The following VRK2 variants were observed in gnomAD, a reference collection of about 807,000 sequenced individuals.
The protein encoded by VRK2 is VRK serine/threonine kinase 2.
In VRK2, 60 loss-of-function variants were observed where a neutral mutation model predicts 57.6. That is an observed-to-expected ratio of 1.04 (90% CI 0.85 to 1.29). VRK2 has a LOEUF of 1.29. VRK2 is among the 50% of genes most tolerant of loss of function. VRK2 has a pLI of 0.00. For synonymous variants in VRK2, 231 were observed against 199.2 expected (o/e 1.16, Z -1.35); for missense variants, 705 against 588.1 (o/e 1.20, Z -2.06).
rs555888486 is a variant in VRK2, at chr2:57,928,507, T to C, written c.-439+20668T>C. On this transcript the variant is annotated intron_variant, in intron 1 of 15. Transcript: ENST00000417641. ...TTTGAATTCTGTTGGAAAGGTCATA[T>C]ATCTCTGTCTCTCCAGGATTGGTCC... Among the ~76,000 whole-genome samples, 186 of 152,296 alleles carry C rather than the reference T, an allele frequency of 1.2e-3. 2 individuals carry two copies. The South Asian group carries it at 0.019, about 16-fold the overall frequency.
chr2:57,984,342 GA>G lies in VRK2; in HGVS notation c.-438-41316del, dbSNP rs533639859. The stretch of plus-strand genomic sequence containing the variant: ...CTAAATGTATCACTGAAAATGAGAG[GA>G]AAAAAACCCTCTTAGCAAAGTGTTT... On this transcript the variant is annotated intron_variant, in intron 1 of 15. Coordinates refer to the VRK2 transcript ENST00000417641. 1.5e-3 allele frequency among the ~76,000 whole-genome samples: 222 copies of G among 151,864 alleles called. 4 individuals carry two copies. Among genetic ancestry groups the G allele is most frequent in the Admixed American group, 0.013 (198 of 15,250 alleles).
At chr2:58,040,648 T>C (rs1674419978) in intron 3 of VRK2, among the ~76,000 whole-genome samples, 1 of 152,172 alleles carries the variant, frequency 6.6e-6, no homozygotes, top group Non-Finnish European at 1.5e-5. Context: ...TTTTGATGCC[T>C]TGCAAGCTAC....
At chr2:57,934,002 A>G (rs1341134476) in intron 1 of VRK2, among the ~76,000 whole-genome samples, 2 of 152,130 alleles carry the variant, frequency 1.3e-5, no homozygotes, top group Non-Finnish European at 1.5e-5. Flanking sequence ...CTTGCCTTTT[A>G]TCATGTACTA....
chr2:58,077,806 G>T (rs1346484717), intron 2 of VRK2, among the ~76,000 whole-genome samples: 1 of 152,064 alleles, frequency 6.6e-6, no homozygotes, highest in Admixed American at 6.6e-5. Context: ...ACAATACCAT[G>T]TAGAATTCTG....
chr2:57,912,898 C>T (rs1397832800), intron 1 of VRK2, among the ~76,000 whole-genome samples: 1 of 151,976 alleles, frequency 6.6e-6, no homozygotes, highest in Non-Finnish European at 1.5e-5. Context: ...ATGGTGAAGC[C>T]CTCTTGAATG....
chr2:58,048,500 G>T, intron 1 of VRK2: 2 of 1,193,678 alleles, frequency 1.7e-6, no homozygotes, highest in Non-Finnish European at 2.2e-6. Context: ...TTCTTCATTG[G>T]AAATTGTTAA....
intron 12 of VRK2, among the ~76,000 whole-genome samples, chr2:58,155,554 C>T (rs1208461347): frequency 1.3e-5 from 2 of 152,066 alleles, no homozygotes; most frequent in Non-Finnish European, 2.9e-5. Context: ...TGTCAGAGCT[C>T]TATCTCACAA....
At chr2:58,154,863 T>C (rs1683558506) in intron 12 of VRK2, 1 of 648,882 alleles carries the variant, frequency 1.5e-6, no homozygotes, top group South Asian at 1.9e-5. Context: ...CCTGTAAATA[T>C]TTATACATTT....
chr2:58,145,741 A>G (rs1682014969), intron 11 of VRK2, among the ~76,000 whole-genome samples: 1 of 151,956 alleles, frequency 6.6e-6, no homozygotes, highest in South Asian at 2.1e-4. Context: ...CATCATTTAC[A>G]TTAGGTATTT....
At chr2:58,156,183 A>G (rs1440606339) in intron 12 of VRK2, among the ~76,000 whole-genome samples, 10 of 152,068 alleles carry the variant, frequency 6.6e-5, no homozygotes, top group South Asian at 2.1e-4. Flanking sequence ...TATGGAATCT[A>G]TTCTTTCAGA....
chr2:57,994,854 AC>A (rs1048709368), intron 1 of VRK2, among the ~76,000 whole-genome samples: 3 of 152,146 alleles, frequency 2.0e-5, no homozygotes, highest in Non-Finnish European at 2.9e-5. Flanking sequence ...ATTTTCCCAA[AC>A]AAAAAAAATT....
intron 1 of VRK2, among the ~76,000 whole-genome samples, chr2:57,993,103 T>C (rs1200352440): frequency 6.6e-6 from 1 of 152,198 alleles, no homozygotes; most frequent in Non-Finnish European, 1.5e-5. Flanking sequence ...CTGGTATATT[T>C]TAGTGTTCAG....
At chr2:57,927,831 G>GT (rs928468094) in intron 1 of VRK2, among the ~76,000 whole-genome samples, 1 of 152,198 alleles carries the variant, frequency 6.6e-6, no homozygotes, top group East Asian at 1.9e-4. Flanking sequence ...TAAAAGTGGG[G>GT]TTTTTTTCCT....
chr2:58,107,873 C>T (rs1018114155), intron 7 of VRK2, among the ~76,000 whole-genome samples: 23 of 152,094 alleles, frequency 1.5e-4, no homozygotes, highest in African/African-American at 5.3e-4. Flanking sequence ...CTTATATCAA[C>T]GTCGTATCAA....
At chr2:58,001,175 T>G (rs2103623597) in intron 1 of VRK2, among the ~76,000 whole-genome samples, 1 of 152,368 alleles carries the variant, frequency 6.6e-6, no homozygotes, top group African/African-American at 2.4e-5. Context: ...AACTATTTTT[T>G]CATACATTTC....
chr2:57,917,001 C>T (rs567684945), intron 1 of VRK2, among the ~76,000 whole-genome samples: 1 of 150,780 alleles, frequency 6.6e-6, no homozygotes, highest in Non-Finnish European at 1.5e-5. Context: ...AACAAGTATA[C>T]ACAATGTAAA....
chr2:57,996,913 C>T (rs1051699053), intron 1 of VRK2, among the ~76,000 whole-genome samples: 1 of 151,520 alleles, frequency 6.6e-6, no homozygotes, highest in Non-Finnish European at 1.5e-5. Flanking sequence ...TCCTGTTGTA[C>T]TTTTTTTATT....
chr2:58,097,865 A>G (rs1673381805), intron 7 of VRK2, among the ~76,000 whole-genome samples: 1 of 152,050 alleles, frequency 6.6e-6, no homozygotes, highest in Non-Finnish European at 1.5e-5. Flanking sequence ...TTATACTATT[A>G]TTATTTTAGA....
At chr2:58,151,109 A>C (rs1159547379) in intron 12 of VRK2, among the ~76,000 whole-genome samples, 1 of 151,762 alleles carries the variant, frequency 6.6e-6, no homozygotes, top group Non-Finnish European at 1.5e-5. Context: ...AATAGTGTTC[A>C]AATCTTATAT....
Sources: gnomAD v4.1 joint callset for allele counts (sites outside exome capture counted in the v4.1 genomes callset) on GRCh38, gnomAD v4.1.1 for gene constraint, MANE v1.5 for transcripts, NCBI Gene and HGNC (gene_info 2026-07-23, HGNC 2026-07-21) for gene names.